Variants in ERC1 observed in about 807,000 individuals in gnomAD.
The protein encoded by ERC1 is RAB6 interacting protein 2.
In ERC1, 56 loss-of-function variants were observed where a neutral mutation model predicts 132.0. That is an observed-to-expected ratio of 0.42 (90% CI 0.34 to 0.53). The LOEUF is 0.53. Ranked by LOEUF, ERC1 falls within the 20% of genes least tolerant of loss-of-function variation. ERC1 has a pLI of 0.03. For missense variants in ERC1, 1,202 were observed against 1,349.9 expected (o/e 0.89, Z 1.72); for synonymous variants, 478 against 476.1 (o/e 1.00, Z -0.05).
At chr12:1,095,397 CAA>C (rs59513840) in intron 3 of ERC1, among the ~76,000 whole-genome samples, 14 of 132,898 alleles carry the variant, frequency 1.1e-4, no homozygotes, top group Non-Finnish European at 1.3e-4. Flanking sequence ...GCCACTGCAC[CAA>C]AAAAAAAAAA....
chr12:1,062,773 G>A (rs1000248850), intron 2 of ERC1, among the ~76,000 whole-genome samples: 7 of 152,148 alleles, frequency 4.6e-5, no homozygotes, highest in African/African-American at 1.7e-4. Context: ...TTGATTTTCT[G>A]TCTAGATGAT....
At chr12:1,106,269 A>AG (rs1402633655) in intron 4 of ERC1, among the ~76,000 whole-genome samples, 1 of 152,222 alleles carries the variant, frequency 6.6e-6, no homozygotes, top group Non-Finnish European at 1.5e-5. Flanking sequence ...AATCCATACT[A>AG]GCTGTTGCAG....
intron 15 of ERC1, among the ~76,000 whole-genome samples, chr12:1,363,543 C>CTTTTTTTTTTTTTTTTTTTTT (rs34769986): frequency 2.1e-5 from 2 of 94,336 alleles, no homozygotes; most frequent in African/African-American, 4.0e-5. Context: ...TATTTCTTTC[C>CTTTTTTTTTTTTTTTTTTTTT]TTTTTTTTTT....
At chr12:1,310,207 C>CT (rs1311985889) in intron 15 of ERC1, among the ~76,000 whole-genome samples, 1 of 80,340 alleles carries the variant, frequency 1.2e-5, no homozygotes, top group African/African-American at 4.8e-5. Flanking sequence ...TTAAACAGTT[C>CT]TTTTTTATTT....
intron 17 of ERC1, among the ~76,000 whole-genome samples, chr12:1,440,673 A>G (rs76828095): frequency 0.026 from 2,651 of 103,686 alleles, 82 homozygotes; most frequent in Middle Eastern, 0.1. Context: ...TGTGTGATGG[A>G]GTCTCACTCT....
At chr12:1,042,227 C>T (rs764579507) in intron 2 of ERC1, among the ~76,000 whole-genome samples, 2 of 151,912 alleles carry the variant, frequency 1.3e-5, no homozygotes, top group Non-Finnish European at 1.5e-5. Flanking sequence ...TTAGTAGAGA[C>T]GGGGTTTCAC....
At chr12:1,267,117 G>A (rs1364139811) in intron 14 of ERC1, among the ~76,000 whole-genome samples, 6 of 152,256 alleles carry the variant, frequency 3.9e-5, no homozygotes, top group African/African-American at 1.2e-4. Flanking sequence ...CTGAGCCCAT[G>A]CTAGAAATTT....
rs190173700 is a variant in ERC1, at chr12:1,423,279, A to G, written c.3024+15032A>G. ...ACCTTGCTTCTGCTTTCACCTTACA[A>G]AAGTCTTCTACCAGTCTCTTCATCA... On this transcript the variant is annotated intron_variant, in intron 17 of 18. Coordinates refer to ENST00000360905, the MANE Select transcript of ERC1 (RefSeq NM_178040.4). Among the ~76,000 whole-genome samples, 29 of 152,220 alleles carry G rather than the reference A, an allele frequency of 1.9e-4. 1 individual carries two copies. The East Asian group carries it at 5.2e-3, about 27-fold the overall frequency.
intron 15 of ERC1, among the ~76,000 whole-genome samples, chr12:1,325,542 C>T (rs1478604244): frequency 6.6e-6 from 1 of 152,048 alleles, no homozygotes; most frequent in East Asian, 1.9e-4. Flanking sequence ...TTTCATAAAA[C>T]TTTATAAATT....
intron 13 of ERC1, among the ~76,000 whole-genome samples, chr12:1,253,754 A>C (rs1028943936): frequency 6.6e-6 from 1 of 152,152 alleles, no homozygotes; most frequent in Middle Eastern, 3.2e-3. Flanking sequence ...AGCTGACATC[A>C]AGAAGTAAAG....
intron 2 of ERC1, among the ~76,000 whole-genome samples, chr12:1,042,859 C>T (rs549518006): frequency 1.3e-5 from 2 of 152,198 alleles, no homozygotes; most frequent in African/African-American, 4.8e-5. Context: ...TTTCACATGA[C>T]TCCTCTTCCT....
intron 15 of ERC1, among the ~76,000 whole-genome samples, chr12:1,358,067 A>C (rs2085712305): frequency 6.6e-6 from 1 of 152,120 alleles, no homozygotes; most frequent in Non-Finnish European, 1.5e-5. Flanking sequence ...AGAATATATT[A>C]TAGGATGTTC....
chr12:1,067,890 G>A (rs1939515731), intron 2 of ERC1, among the ~76,000 whole-genome samples: 1 of 147,240 alleles, frequency 6.8e-6, no homozygotes, highest in Admixed American at 6.8e-5. Flanking sequence ...GTCCAGTGTA[G>A]TTTGCCAATT....
At chr12:1,033,074 TTGCTC>T (rs1177345203) in intron 2 of ERC1, among the ~76,000 whole-genome samples, 1 of 151,514 alleles carries the variant, frequency 6.6e-6, no homozygotes. Flanking sequence ...TCTCGCTCTG[TTGCTC>T]AGGCTGGAGT....
rs1171072788 is a variant in ERC1 at position 1,282,863 on chromosome 12, A to G, written c.2620-6989A>G. ...TGCATGGTGACTGCTGAACCTCTGGATAATCTTTTTGTACCACTCCCTTTT... is the reference window on the plus strand; with the variant it reads ...TGCATGGTGACTGCTGAACCTCTGGGTAATCTTTTTGTACCACTCCCTTTT... On this transcript the variant is annotated intron_variant, in intron 14 of 18. Coordinates refer to ENST00000360905, the MANE Select transcript of ERC1 (RefSeq NM_178040.4). 2.0e-5 allele frequency among the ~76,000 whole-genome samples: 3 copies of G among 152,292 alleles called. No homozygotes were observed. The East Asian group carries it at 5.8e-4, about 29-fold the overall frequency.
Position 1,422,383 on chromosome 12 carries a change from A to G in ERC1, c.3024+14136A>G, listed in dbSNP as rs942394449. On this transcript the variant is annotated intron_variant, in intron 17 of 18. Transcript: ENST00000360905. The stretch of plus-strand genomic sequence containing the variant: ...CCCTTCCTGGCCTCTAGTAATCACT[A>G]TTCTACTCTCTGTTTGTATGAGATC... Among the ~76,000 whole-genome samples the G allele has an allele frequency of 2.6e-5, 4 of 152,024 alleles. No homozygotes were observed. In the South Asian group the frequency reaches 6.2e-4, roughly 24 times the overall value.
At chr12:1,018,451 GTGATCCGCC>G (rs1441951733) in intron 1 of ERC1, among the ~76,000 whole-genome samples, 1 of 152,202 alleles carries the variant, frequency 6.6e-6, no homozygotes, top group Non-Finnish European at 1.5e-5. Context: ...CTGACCTCAA[GTGATCCGCC>G]TGCCTCGGCC....
chr12:1,034,914 G>T (rs1968773516), intron 2 of ERC1, among the ~76,000 whole-genome samples: 1 of 152,148 alleles, frequency 6.6e-6, no homozygotes. Flanking sequence ...AAACCCATAT[G>T]TGCTGAAGAA....
intron 2 of ERC1, among the ~76,000 whole-genome samples, chr12:1,082,546 A>G (rs1022215886): frequency 2.7e-5 from 4 of 145,720 alleles, no homozygotes; most frequent in African/African-American, 7.8e-5. Context: ...CTGGAGTGCA[A>G]TGAGTGCAGT....
Sources: gnomAD v4.1 joint callset for allele counts (sites outside exome capture counted in the v4.1 genomes callset) on GRCh38, gnomAD v4.1.1 for gene constraint, MANE v1.5 for transcripts, NCBI Gene and HGNC (gene_info 2026-07-23, HGNC 2026-07-21) for gene names.